KIF14: variants seen among roughly 807,000 people sequenced by gnomAD.
The protein encoded by KIF14 is kinesin family member 14.
Under a neutral mutation model 176.2 loss-of-function variants are expected in KIF14, and 98 were observed. That is an observed-to-expected ratio of 0.56 (90% CI 0.47 to 0.66). The LOEUF is 0.66. KIF14 is among the 30% of genes least tolerant of loss of function. The probability of loss-of-function intolerance (pLI) is 0.00; values close to 1 mark genes in which losing one functional copy is unlikely to be tolerated. For missense variants in KIF14, 1,751 were observed against 1,920.4 expected (o/e 0.91, Z 1.65); for synonymous variants, 566 against 632.2 (o/e 0.90, Z 1.57).
chr1:200,582,570 C>T (rs1319297541), intron 19 of KIF14, among the ~76,000 whole-genome samples: 4 of 152,130 alleles, frequency 2.6e-5, no homozygotes, highest in African/African-American at 9.7e-5. Context: ...AGAGTATTGG[C>T]TGGGTGAAGT....
chr1:200,581,348 T>G, intron 19 of KIF14, 54 bp from the exon 20 acceptor site: 1 of 946,016 alleles, frequency 1.1e-6, no homozygotes, highest in Non-Finnish European at 1.6e-6. Flanking sequence ...CACTAACATA[T>G]ACCATTAGGC....
In KIF14 at chr1:200,618,543, T is replaced by G; in HGVS notation, c.181A>C (p.Arg61=). The G allele has an allele frequency of 6.2e-7, 1 of 1,614,216 alleles. No individual in the cohort carries two copies. The highest frequency in any genetic ancestry group is 8.5e-7 in the Non-Finnish European group (1 of 1,180,022). The part of the protein sequence containing the change: ...DPLLRSAGKV[R]DINRTYVISA... ...ATAACATAAGTTCTATTTATGTCTC[T>G]GACTTTACCTGCAGATCTCAATAAT... The change falls in exon 2 of 30, where the codon AGA becomes CGA. Residue 61 remains arginine (R), a synonymous_variant. Transcript: ENST00000367350.
At chr1:200,608,731 T>C in intron 5 of KIF14, 99 bp downstream of exon 5, 1 of 679,202 alleles carries the variant, frequency 1.5e-6, no homozygotes. Flanking sequence ...CATATAATTC[T>C]AGTAAAACTT....
intron 19 of KIF14, among the ~76,000 whole-genome samples, chr1:200,582,600 A>G (rs1408318683): frequency 1.3e-5 from 2 of 152,224 alleles, no homozygotes. Context: ...CTGTAATCCC[A>G]GCACTTTGGG....
rs1318796298 is a variant in KIF14 at position 200,551,628 on chromosome 1, T to C, written c.*1760A>G. Reference sequence around the variant, plus strand: ...AGTATCACAATGTGTTTAGTATAAATATGTATACAAAATTTTATAAAGACA... The same window carrying C: ...AGTATCACAATGTGTTTAGTATAAACATGTATACAAAATTTTATAAAGACA... On this transcript the variant is annotated 3_prime_UTR_variant, in exon 30 of 30. Transcript: ENST00000367350. 1.3e-5 allele frequency: 2 copies of C among 152,194 alleles called. No homozygotes were observed. The highest frequency in any genetic ancestry group is 2.4e-5 in the African/African-American group (1 of 41,462). 9.4% of individuals were successfully genotyped at this position (152,194 alleles called of 1,614,324 possible). A position where few individuals can be genotyped will look rare whatever the true frequency, so the allele number is the denominator to read the frequency against.
intron 25 of KIF14, 21 bp downstream of exon 25, chr1:200,565,048 A>G: frequency 6.3e-7 from 1 of 1,577,036 alleles, no homozygotes; most frequent in South Asian, 1.1e-5. Context: ...CCTTCAAATG[A>G]TAATAAGCAA....
intron 28 of KIF14, 96 bp downstream of exon 28, chr1:200,555,284 G>T: frequency 2.6e-6 from 2 of 765,920 alleles, no homozygotes; most frequent in South Asian, 1.7e-5. Flanking sequence ...GTTGTCTCTG[G>T]CTAAGGATAA....
At chr1:200,572,001 C>T (rs1256244781) in intron 22 of KIF14, among the ~76,000 whole-genome samples, 2 of 152,176 alleles carry the variant, frequency 1.3e-5, no homozygotes, top group African/African-American at 4.8e-5. Flanking sequence ...ACGACTGTGG[C>T]ATATCATTGC....
intron 13 of KIF14, among the ~76,000 whole-genome samples, 189 bp from the exon 14 acceptor site, chr1:200,598,610 G>C (rs1659481295): frequency 6.6e-6 from 1 of 152,120 alleles, no homozygotes; most frequent in African/African-American, 2.4e-5. Context: ...CCAGGCTGGA[G>C]TGCAGTGGCA....
In KIF14 at chr1:200,572,632, T is replaced by C. The variant is rs532137427; in HGVS notation, c.3567-2627A>G. ...TGCTGGGATTACAAGCATGAGCCAC[T>C]GCACCCAGCCCCGGTAGGCTAAACG... On this transcript the variant is annotated intron_variant, in intron 22 of 29. Coordinates refer to ENST00000367350, the MANE Select transcript of KIF14 (RefSeq NM_014875.3). 2.5e-3 allele frequency among the ~76,000 whole-genome samples: 386 copies of C among 152,322 alleles called. 2 individuals carry two copies. The highest frequency in any genetic ancestry group is 3.3e-3 in the Non-Finnish European group (227 of 68,026).
At chr1:200,584,369 A>G (rs145251749) in intron 19 of KIF14, among the ~76,000 whole-genome samples, 219 of 152,324 alleles carry the variant, frequency 1.4e-3, no homozygotes, top group Non-Finnish European at 2.7e-3. Context: ...GGCCAGCATT[A>G]CCCTGATACT....
intron 26 of KIF14, among the ~76,000 whole-genome samples, 193 bp from the exon 27 acceptor site, chr1:200,559,645 T>C (rs1372226435): frequency 6.6e-6 from 1 of 152,154 alleles, no homozygotes; most frequent in Non-Finnish European, 1.5e-5. Flanking sequence ...CTGTGGTCTG[T>C]AAAGAAATAA....
intron 25 of KIF14, among the ~76,000 whole-genome samples, chr1:200,561,575 A>G (rs972360417): frequency 3.3e-5 from 5 of 152,014 alleles, no homozygotes; most frequent in African/African-American, 7.2e-5. Context: ...GAAAAAAAAA[A>G]AAAAGAAAAG....
intron 14 of KIF14, among the ~76,000 whole-genome samples, chr1:200,598,020 C>T (rs1287976261): frequency 6.6e-6 from 1 of 151,880 alleles, no homozygotes; most frequent in Non-Finnish European, 1.5e-5. Context: ...TATGCCAAAA[C>T]AAAAACAGAG....
intron 5 of KIF14, among the ~76,000 whole-genome samples, chr1:200,607,997 C>G (rs1273994166): frequency 6.6e-6 from 1 of 152,124 alleles, no homozygotes; most frequent in Non-Finnish European, 1.5e-5. Context: ...ACACGCCCAG[C>G]CGTCTTCTTT....
At chr1:200,562,278 G>A (rs1657206336) in intron 25 of KIF14, among the ~76,000 whole-genome samples, 1 of 152,188 alleles carries the variant, frequency 6.6e-6, no homozygotes, top group South Asian at 2.1e-4. Context: ...AGGGCTATGA[G>A]TTGAAACCCA....
At position 200,565,140 on chromosome 1, in the gene KIF14, T is replaced by C. The variant is rs534130078; in HGVS notation, c.4000A>G (p.Ile1334Val). The part of the protein sequence containing the change: ...WLSDLLPCTN[I>V]ARLEDELRQE... Reference sequence around the variant, plus strand: ...CTCAACTCATCCTCAAGTCTTGCTATGTTGGTACAAGGCAGTAAATCACTC... The same window carrying C: ...CTCAACTCATCCTCAAGTCTTGCTACGTTGGTACAAGGCAGTAAATCACTC... The change falls in exon 25 of 30, where the codon ATA (isoleucine) becomes GTA (valine). Residue 1334 changes from isoleucine to valine, a missense_variant. Ile to Val is a conservative substitution (Grantham distance 29, BLOSUM62 3). Coordinates refer to ENST00000367350, the MANE Select transcript of KIF14 (RefSeq NM_014875.3). 2 of 1,613,994 alleles carry C rather than the reference T, an allele frequency of 1.2e-6. No individual in the cohort carries two copies. The highest frequency in any genetic ancestry group is 1.7e-6 in the Non-Finnish European group (2 of 1,179,874).
chr1:200,612,702 C>T (rs1231751913), intron 4 of KIF14, among the ~76,000 whole-genome samples: 1 of 152,040 alleles, frequency 6.6e-6, no homozygotes, highest in Non-Finnish European at 1.5e-5. Context: ...TTACTCAAAT[C>T]TACTTTTCCT....
chr1:200,594,597 A>C lies in KIF14; in HGVS notation c.2550-828T>G, dbSNP rs1659236878. Among the ~76,000 whole-genome samples the C allele has an allele frequency of 2.0e-5, 3 of 152,156 alleles. No individual in the cohort carries two copies. The South Asian group carries it at 6.2e-4, about 32-fold the overall frequency. ...GTGTACCCCTTAAGACATCTAATTT[A>C]CTGGATGATAAGGTGATACTGTGGA... On this transcript the variant is annotated intron_variant, in intron 14 of 29. Transcript: ENST00000367350.
Sources: gnomAD v4.1 joint callset for allele counts (sites outside exome capture counted in the v4.1 genomes callset) on GRCh38, gnomAD v4.1.1 for gene constraint, MANE v1.5 for transcripts, NCBI Gene and HGNC (gene_info 2026-07-23, HGNC 2026-07-21) for gene names.